Variants in OMD observed in about 807,000 individuals in gnomAD.
OMD encodes the protein KSPG osteomodulin.
In OMD, 19 loss-of-function variants were observed where a neutral mutation model predicts 31.2. The ratio of observed to expected loss-of-function variants is 0.61; its 90% CI spans 0.42 to 0.89. OMD has a LOEUF of 0.89. OMD is among the 40% of genes least tolerant of loss of function. OMD has a pLI of 0.00. For missense variants in OMD, 448 were observed against 490.8 expected, an observed-to-expected ratio of 0.91 and a Z score of 0.82; for synonymous variants, 155 against 166.4, an observed-to-expected ratio of 0.93 and a Z score of 0.53.
intron 1 of OMD, among the ~76,000 whole-genome samples, chr9:92,421,439 A>C (rs185017754): frequency 1.3e-5 from 2 of 152,204 alleles, no homozygotes; most frequent in Non-Finnish European, 2.9e-5. Flanking sequence ...CACTACAGTC[A>C]GTGTTCGTGG....
Position 92,417,007 on chromosome 9 carries a change from C to CAT in OMD, c.551_552insAT (p.Leu185CysfsTer2), listed in dbSNP as rs776203204. ...GATCAAGCATGGTCAAGTTTACTAG[C>CAT]CCATCCATAGCATTTGTCTGCAGTT... On this transcript the variant is annotated frameshift_variant, in exon 2 of 3. Transcript: ENST00000375550. LOFTEE classifies it high-confidence loss of function. 2.0e-5 allele frequency: 32 copies of CAT among 1,613,792 alleles called. No individual in the cohort carries two copies. The highest frequency in any genetic ancestry group is 2.5e-5 in the Non-Finnish European group (29 of 1,179,922).
chr9:92,415,488 T>G lies in OMD; in HGVS notation c.941-11A>C. Reference sequence around the variant, plus strand: ...CTGTAAGATTCATCTCTGAAAGAAATAAATTAAAAATTAATCTTGTATTAT... The same window carrying G: ...CTGTAAGATTCATCTCTGAAAGAAAGAAATTAAAAATTAATCTTGTATTAT... On this transcript the variant is annotated splice_polypyrimidine_tract_variant and intron_variant, in intron 2 of 2. Transcript: ENST00000375550. 6.7e-7 allele frequency: 1 copy of G among 1,493,124 alleles called. No homozygotes were observed. Among genetic ancestry groups the G allele is most frequent in the Non-Finnish European group, 9.1e-7 (1 of 1,102,382 alleles). 92.5% of individuals were successfully genotyped at this position (1,493,124 alleles called of 1,614,324 possible). A position where few individuals can be genotyped will look rare whatever the true frequency, so the allele number is the denominator to read the frequency against.
intron 1 of OMD, among the ~76,000 whole-genome samples, chr9:92,420,780 T>C (rs1843768291): frequency 6.6e-6 from 1 of 152,168 alleles, no homozygotes; most frequent in African/African-American, 2.4e-5. Context: ...CAATATGTGC[T>C]TTTGAAATTC....
At chr9:92,422,258 T>C (rs1843828358) in intron 1 of OMD, among the ~76,000 whole-genome samples, 1 of 152,168 alleles carries the variant, frequency 6.6e-6, no homozygotes, top group African/African-American at 2.4e-5. Context: ...TTTGCCATGT[T>C]GGCCAGCCTG....
In OMD at chr9:92,415,186, T is replaced by G; in HGVS notation, c.1232A>C (p.His411Pro). The G allele has an allele frequency of 6.2e-7, 1 of 1,611,782 alleles. No homozygotes were observed. The highest frequency in any genetic ancestry group is 8.5e-7 in the Non-Finnish European group (1 of 1,179,366). ...ATTTTCATAATAATGAAGGTCAAAG[T>G]GCCCTTCTGCTCCTTCTTGTTCTGG... is the stretch of plus-strand genomic sequence containing the variant. ...ESPEQEGAEGHFDLHYYENQE is the reference protein window; with the variant it reads ...ESPEQEGAEGPFDLHYYENQE Residue 411 changes from histidine to proline, a missense_variant, in exon 3 of 3, where the codon CAC becomes CCC. By Grantham distance (77) the His-to-Pro change is moderately conservative. Transcript: ENST00000375550.
In OMD at chr9:92,413,258, A is replaced by T. The variant is rs1002796726; in HGVS notation, c.*1894T>A. ...TAACTCGGCCTTCCAAAGTGCTGGG[A>T]TTACAGGTGTGAGCTAATGCGCCCG... On this transcript the variant is annotated 3_prime_UTR_variant, in exon 3 of 3. Coordinates refer to ENST00000375550, the MANE Select transcript of OMD (RefSeq NM_005014.3). 4.6e-5 allele frequency among the ~76,000 whole-genome samples: 7 copies of T among 152,028 alleles called. No individual in the cohort carries two copies. The highest frequency in any genetic ancestry group is 8.8e-5 in the Non-Finnish European group (6 of 68,012).
In OMD at chr9:92,414,918, A is replaced by G. The variant is rs1843543624; in HGVS notation, c.*234T>C. 3.0e-6 allele frequency: 1 copy of G among 330,056 alleles called. No individual in the cohort carries two copies. Among genetic ancestry groups the G allele is most frequent in the Admixed American group, 4.7e-5 (1 of 21,336 alleles). 20.4% of individuals were successfully genotyped at this position (330,056 alleles called of 1,614,324 possible). On this transcript the variant is annotated 3_prime_UTR_variant, in exon 3 of 3. Coordinates refer to ENST00000375550, the MANE Select transcript of OMD (RefSeq NM_005014.3). ...GAGCATAAGAAACCATTAACGTTTA[A>G]TTTATGATTCCCACTTGTCATTCTA...
chr9:92,417,493 A>G lies in OMD; in HGVS notation c.66T>C (p.Tyr22=), dbSNP rs1480430605. The G allele has an allele frequency of 1.9e-6, 3 of 1,613,782 alleles. No individual in the cohort carries two copies. The highest frequency in any genetic ancestry group is 1.3e-5 in the African/African-American group (1 of 75,012). Residue 22 remains tyrosine (Y), a synonymous_variant, in exon 2 of 3, where the codon TAT becomes TAC. Coordinates refer to ENST00000375550, the MANE Select transcript of OMD (RefSeq NM_005014.3). ...AGTCTTCATCCCACTGATAAGTTTC[A>G]TATTGGCAATGTACTTTGACTCCAA... The part of the protein sequence containing the change: ...FFFGVKVHCQ[Y]ETYQWDEDYD...
Position 92,416,778 on chromosome 9 carries a change from T to A in OMD, c.781A>T (p.Thr261Ser), listed in dbSNP as rs1399561564. Residue 261 changes from threonine (T) to serine (S), a missense_variant, in exon 2 of 3, where the codon ACT becomes TCT. By Grantham distance (58) the Thr-to-Ser change is moderately conservative. Coordinates refer to ENST00000375550, the MANE Select transcript of OMD (RefSeq NM_005014.3). ...KYFDKLPKLH[T>S]LRMSHNKLQD... Reference sequence around the variant, plus strand: ...AGTTTGTTGTGTGACATTCTTAGAGTATGAAGTTTTGGAAGTTTGTCGAAG... The same window carrying A: ...AGTTTGTTGTGTGACATTCTTAGAGAATGAAGTTTTGGAAGTTTGTCGAAG... 6.2e-7 allele frequency: 1 copy of A among 1,613,674 alleles called. No homozygotes were observed. The highest frequency in any genetic ancestry group is 8.5e-7 in the Non-Finnish European group (1 of 1,179,812).
chr9:92,420,906 G>A (rs938174809), intron 1 of OMD, among the ~76,000 whole-genome samples: 4 of 152,122 alleles, frequency 2.6e-5, no homozygotes, highest in Admixed American at 2.0e-4. Context: ...TTCTCATAGA[G>A]GGAAGTGAGG....
chr9:92,416,099 T>TTTATTTA (rs1402189465), intron 2 of OMD, among the ~76,000 whole-genome samples: 9 of 132,850 alleles, frequency 6.8e-5, no homozygotes, highest in African/African-American at 2.2e-4. Context: ...TATTTATTTA[T>TTTATTTA]TTTATTTTTT....
In OMD at chr9:92,413,607, A is replaced by G. The variant is rs1403725217; in HGVS notation, c.*1545T>C. ...ATCCTGTATTTAAAAATTGCAAGAA[A>G]AGGGAGGTGGGCCTTAAGATTTTTT... is the stretch of plus-strand genomic sequence containing the variant. On this transcript the variant is annotated 3_prime_UTR_variant, in exon 3 of 3. Coordinates refer to ENST00000375550, the MANE Select transcript of OMD (RefSeq NM_005014.3). 6.6e-6 allele frequency among the ~76,000 whole-genome samples: 1 copy of G among 152,216 alleles called. No individual in the cohort carries two copies. Among genetic ancestry groups the G allele is most frequent in the African/African-American group, 2.4e-5 (1 of 41,466 alleles).
chr9:92,415,416 G>A lies in OMD; in HGVS notation c.1002C>T (p.Tyr334=), dbSNP rs1205059122. The change falls in exon 3 of 3, where the codon TAC becomes TAT. Residue 334 remains tyrosine, a synonymous_variant. Coordinates refer to ENST00000375550, the MANE Select transcript of OMD (RefSeq NM_005014.3). ...IDPLHYHHLT[Y]IRVDQNKLKE... is the part of the protein sequence containing the mutation. Reference sequence around the variant, plus strand: ...TTAGTTTATTTTGGTCCACACGAATGTATGTTAAATGGTGGTAATGTAGTG... The same window carrying A: ...TTAGTTTATTTTGGTCCACACGAATATATGTTAAATGGTGGTAATGTAGTG... 6.2e-7 allele frequency: 1 copy of A among 1,613,546 alleles called. No individual in the cohort carries two copies.
At chr9:92,416,094 ATTTATTTTATTTTTT>A (rs1843599744) in intron 2 of OMD, among the ~76,000 whole-genome samples, 2 of 137,304 alleles carry the variant, frequency 1.5e-5, no homozygotes, top group Non-Finnish European at 3.2e-5. Flanking sequence ...TTATTTATTT[ATTTATTTTATTTTTT>A]TTTTTTTTAA....
At chr9:92,420,648 T>C (rs1843762485) in intron 1 of OMD, among the ~76,000 whole-genome samples, 1 of 151,294 alleles carries the variant, frequency 6.6e-6, no homozygotes, top group Non-Finnish European at 1.5e-5. Flanking sequence ...CTTGCTTCTT[T>C]TTTTTAAGTC....
At position 92,413,021 on chromosome 9, in the gene OMD, G is replaced by A. The variant is rs1447998099; in HGVS notation, c.*2131C>T. On this transcript the variant is annotated 3_prime_UTR_variant, in exon 3 of 3. Coordinates refer to ENST00000375550, the MANE Select transcript of OMD (RefSeq NM_005014.3). Reference sequence around the variant, plus strand: ...TTTTTTGATATGGACTTTTGCTCTTGTTGCCCAGGCTGGAGTGCAATGGCA... The same window carrying A: ...TTTTTTGATATGGACTTTTGCTCTTATTGCCCAGGCTGGAGTGCAATGGCA... Among the ~76,000 whole-genome samples, 1 of 52,146 alleles carries A rather than the reference G, an allele frequency of 1.9e-5. No homozygotes were observed. Among genetic ancestry groups the A allele is most frequent in the Non-Finnish European group, 3.4e-5 (1 of 29,430 alleles). The allele number at this position is 52,146 out of a possible 152,430, so 34.2% of individuals were successfully genotyped here.
rs530998747 is a variant in OMD, at chr9:92,418,081, C to A, written c.-16-507G>T. On this transcript the variant is annotated intron_variant, in intron 1 of 2. Transcript: ENST00000375550. Reference sequence around the variant, plus strand: ...ATGAAGTGAGTTTTTTTTCTTTTTTCTTTTTCTTTTTCTTTTTATTTTTGA... The same window carrying A: ...ATGAAGTGAGTTTTTTTTCTTTTTTATTTTTCTTTTTCTTTTTATTTTTGA... 1.8e-3 allele frequency among the ~76,000 whole-genome samples: 269 copies of A among 150,096 alleles called. 2 individuals are homozygous for A. Among genetic ancestry groups the A allele is most frequent in the Middle Eastern group, 3.5e-3 (1 of 286 alleles).
At chr9:92,421,030 C>A (rs1236183052) in intron 1 of OMD, among the ~76,000 whole-genome samples, 1 of 152,060 alleles carries the variant, frequency 6.6e-6, no homozygotes, top group African/African-American at 2.4e-5. Flanking sequence ...CTATTAAATC[C>A]AGATCTGAAG....
intron 1 of OMD, among the ~76,000 whole-genome samples, chr9:92,419,050 C>T (rs1003327282): frequency 2.0e-5 from 3 of 152,078 alleles, no homozygotes; most frequent in Non-Finnish European, 2.9e-5. Context: ...ATCAAATACA[C>T]GTGCAGTAGA....
Sources: gnomAD v4.1 joint callset for allele counts (sites outside exome capture counted in the v4.1 genomes callset) on GRCh38, gnomAD v4.1.1 for gene constraint, MANE v1.5 for transcripts, NCBI Gene and HGNC (gene_info 2026-07-23, HGNC 2026-07-21) for gene names.